The following KDM4C variants were observed in gnomAD, a reference collection of about 807,000 sequenced individuals.
The protein encoded by KDM4C is lysine-specific demethylase 4C.
In KDM4C, 81 loss-of-function variants were observed where a neutral mutation model predicts 129.3. That is an observed-to-expected ratio of 0.63 (90% CI 0.52 to 0.75). KDM4C has a LOEUF of 0.75. Among genes scored for constraint, KDM4C ranks in the 30% least tolerant of loss-of-function variants. The pLI, the probability that KDM4C is intolerant of heterozygous loss-of-function variation, is 0.00. For missense variants in KDM4C, 1,457 were observed against 1,304.0 expected (o/e 1.12, Z -1.81); for synonymous variants, 573 against 456.1 (o/e 1.26, Z -3.26).
intron 1 of KDM4C, among the ~76,000 whole-genome samples, chr9:6,782,492 T>G (rs1338555585): frequency 2.6e-5 from 4 of 152,196 alleles, no homozygotes; most frequent in Non-Finnish European, 5.9e-5. Context: ...TTATGAGATT[T>G]AATTAAGAGA....
At chr9:6,960,669 A>C (rs1037612085) in intron 8 of KDM4C, among the ~76,000 whole-genome samples, 1 of 152,164 alleles carries the variant, frequency 6.6e-6, no homozygotes, top group Admixed American at 6.5e-5. Flanking sequence ...CACTGACACA[A>C]ATTTTCATGT....
At chr9:7,113,856 C>T (rs1838605132) in intron 18 of KDM4C, among the ~76,000 whole-genome samples, 1 of 152,108 alleles carries the variant, frequency 6.6e-6, no homozygotes, top group East Asian at 1.9e-4. Context: ...CAGGAGTTGC[C>T]AGCATCTAGG....
intron 18 of KDM4C, chr9:7,105,382 C>T (rs1164938755): frequency 2.2e-6 from 1 of 464,936 alleles, no homozygotes; most frequent in Admixed American, 2.4e-5. Flanking sequence ...TGGTATCCCA[C>T]CTCACCATGT....
At chr9:6,979,389 A>G (rs1019261002) in intron 8 of KDM4C, among the ~76,000 whole-genome samples, 13 of 152,186 alleles carry the variant, frequency 8.5e-5, no homozygotes, top group Admixed American at 2.0e-4. Context: ...GCCGGCTAGT[A>G]TGCAGGAAGG....
chr9:7,122,239 C>CCACA (rs147638679), intron 18 of KDM4C, among the ~76,000 whole-genome samples: 27,669 of 144,002 alleles, frequency 0.19, 2,724 homozygotes, highest in African/African-American at 0.2. Flanking sequence ...GTGGGAGATG[C>CCACA]CACACACACA....
intron 1 of KDM4C, among the ~76,000 whole-genome samples, chr9:6,774,541 C>T (rs201599816): frequency 3.3e-5 from 5 of 151,972 alleles, no homozygotes; most frequent in Admixed American, 6.6e-5. Flanking sequence ...GGCACACACC[C>T]GTAATCCCAG....
At chr9:7,170,471 A>G (rs1844848041) in intron 21 of KDM4C, 1 of 984,062 alleles carries the variant, frequency 1.0e-6, no homozygotes, top group Non-Finnish European at 1.2e-6. Flanking sequence ...TAGTAGTTTC[A>G]TGCCCTCACA....
intron 4 of KDM4C, chr9:6,835,570 G>A (rs1279783467): frequency 4.8e-6 from 5 of 1,037,080 alleles, no homozygotes; most frequent in Non-Finnish European, 7.6e-6. Flanking sequence ...TCCTTCAAAT[G>A]CTTCTAGGCG....
At chr9:6,769,246 T>G (rs1156368644) in intron 1 of KDM4C, among the ~76,000 whole-genome samples, 1 of 152,094 alleles carries the variant, frequency 6.6e-6, no homozygotes, top group South Asian at 2.1e-4. Context: ...TTAAATAACA[T>G]GTCATACATT....
rs189641450 is a variant in KDM4C, at chr9:7,175,181, T to C, written c.*452T>C. 3.4e-3 allele frequency: 521 copies of C among 155,094 alleles called. 3 individuals carry two copies. Among genetic ancestry groups the C allele is most frequent in the East Asian group, 0.02 (104 of 5,254 alleles). The allele number at this position is 155,094 out of a possible 1,614,324, so 9.6% of individuals were successfully genotyped here. A position where few individuals can be genotyped will look rare whatever the true frequency, so the allele number is the denominator to read the frequency against. On this transcript the variant is annotated 3_prime_UTR_variant, in exon 22 of 22. Coordinates refer to ENST00000381309, the MANE Select transcript of KDM4C (RefSeq NM_015061.6). ...ATTTTCCACAGTCAGGGAAGGACTC[T>C]CACTTATTTGTTTCAAATTGCAGTT...
chr9:6,984,062 G>C, intron 9 of KDM4C, 104 bp from the exon 10 acceptor site: 1 of 708,226 alleles, frequency 1.4e-6, no homozygotes, highest in South Asian at 1.8e-5. Context: ...AACAATGTCA[G>C]TTGTTTCCTT....
chr9:6,951,416 A>G (rs959560634), intron 8 of KDM4C, among the ~76,000 whole-genome samples: 1 of 152,208 alleles, frequency 6.6e-6, no homozygotes, highest in African/African-American at 2.4e-5. Flanking sequence ...TGATCTGATT[A>G]CATTCTGGTG....
intron 18 of KDM4C, among the ~76,000 whole-genome samples, chr9:7,106,069 G>A (rs1421437636): frequency 6.6e-6 from 1 of 152,086 alleles, no homozygotes; most frequent in African/African-American, 2.4e-5. Context: ...TGTTAGCACT[G>A]TATTTCCCAA....
intron 16 of KDM4C, among the ~76,000 whole-genome samples, chr9:7,047,993 A>G (rs548506316): frequency 6.6e-6 from 1 of 152,156 alleles, no homozygotes; most frequent in South Asian, 2.1e-4. Flanking sequence ...GAAGGTATTT[A>G]TCATTATTAC....
intron 3 of KDM4C, among the ~76,000 whole-genome samples, chr9:6,808,755 C>T (rs548778753): frequency 5.6e-5 from 8 of 143,590 alleles, no homozygotes; most frequent in East Asian, 4.1e-4. Flanking sequence ...TTGTTACAAG[C>T]CAGTTGTTAA....
intron 3 of KDM4C, among the ~76,000 whole-genome samples, chr9:6,814,072 G>C (rs923759865): frequency 1.3e-5 from 2 of 152,026 alleles, no homozygotes; most frequent in African/African-American, 4.8e-5. Context: ...TTTTTAAAAA[G>C]CTTTTTATAT....
At chr9:7,121,871 C>G (rs1423929415) in intron 18 of KDM4C, among the ~76,000 whole-genome samples, 2 of 150,572 alleles carry the variant, frequency 1.3e-5, no homozygotes. Flanking sequence ...GTGTTACTTC[C>G]TGGTTGGCTT....
At chr9:6,842,203 T>G (rs1837058066) in intron 4 of KDM4C, among the ~76,000 whole-genome samples, 1 of 152,130 alleles carries the variant, frequency 6.6e-6, no homozygotes, top group Non-Finnish European at 1.5e-5. Flanking sequence ...TCTCCAAAAC[T>G]CCTCCTTCCT....
intron 12 of KDM4C, among the ~76,000 whole-genome samples, chr9:7,009,902 C>G (rs1030451320): frequency 6.6e-6 from 1 of 151,984 alleles, no homozygotes; most frequent in Non-Finnish European, 1.5e-5. Flanking sequence ...AAAAAACTCA[C>G]AAATGAATCA....
Sources: gnomAD v4.1 joint callset for allele counts (sites outside exome capture counted in the v4.1 genomes callset) on GRCh38, gnomAD v4.1.1 for gene constraint, MANE v1.5 for transcripts, NCBI Gene and HGNC (gene_info 2026-07-23, HGNC 2026-07-21) for gene names.